The following AKAP13 variants were observed in gnomAD, a reference collection of about 807,000 sequenced individuals.
AKAP13 encodes the protein A-kinase anchor protein 13.
AKAP13 carries 80 observed loss-of-function variants against 264.5 expected under a neutral mutation model. That is an observed-to-expected ratio of 0.30 (90% CI 0.25 to 0.36). The LOEUF (loss-of-function observed/expected upper bound fraction) is 0.36, where lower values mean the gene tolerates loss of function less well. Among genes scored for constraint, AKAP13 ranks in the 10% least tolerant of loss-of-function variants. The pLI is 1.00. For missense variants in AKAP13, 3,712 were observed against 3,435.2 expected, an observed-to-expected ratio of 1.08 and a Z score of -2.01; for synonymous variants, 1,380 against 1,250.2, an observed-to-expected ratio of 1.10 and a Z score of -2.19.
At chr15:85,531,508 A>G (rs1250229199) in intron 3 of AKAP13, among the ~76,000 whole-genome samples, 1 of 152,236 alleles carries the variant, frequency 6.6e-6, no homozygotes, top group East Asian at 1.9e-4. Flanking sequence ...AGAAAAATAG[A>G]CAAATCTTAC....
rs560890549 is a variant in AKAP13 at position 85,613,006 on chromosome 15, T to A, written c.4162-26368T>A. ...AAGAAGTTCTTGTGTCATTGTACTA[T>A]TATGAAGTAGCTTTTGTTTTTGTTT... On this transcript the variant is annotated intron_variant, in intron 8 of 36. Coordinates refer to ENST00000394518, the MANE Select transcript of AKAP13 (RefSeq NM_007200.5). Among the ~76,000 whole-genome samples the A allele has an allele frequency of 3.5e-4, 53 of 152,336 alleles. 1 individual carries two copies. Among genetic ancestry groups the A allele is most frequent in the Non-Finnish European group, 4.7e-4 (32 of 68,034 alleles).
chr15:85,715,865 A>G lies in AKAP13; in HGVS notation c.5677A>G (p.Arg1893Gly), dbSNP rs1196553853. 1 of 1,613,650 alleles carries G rather than the reference A, an allele frequency of 6.2e-7. No individual in the cohort carries two copies. The highest frequency in any genetic ancestry group is 1.1e-5 in the South Asian group (1 of 91,052). The change falls in exon 20 of 37, where the codon AGA becomes GGA. Residue 1893 changes from arginine (R) to glycine (G), a missense_variant. Arg to Gly is a moderately radical substitution (Grantham distance 125). Coordinates refer to ENST00000394518, the MANE Select transcript of AKAP13 (RefSeq NM_007200.5). The part of the protein sequence containing the change: ...ETATTPIFAN[R>G]RSQQSVSLSK... ...CGCTACCACCCCAATATTTGCCAAT[A>G]GACGATCCCAGCAGAGTGTCTCGCT... is the stretch of plus-strand genomic sequence containing the variant.
At chr15:85,671,467 GAGAA>G (rs146666673) in intron 14 of AKAP13, among the ~76,000 whole-genome samples, 7,626 of 145,452 alleles carry the variant, frequency 0.052, 325 homozygotes, top group Admixed American at 0.12. Context: ...AAGAGAGAGA[GAGAA>G]AGACATAATG....
chr15:85,382,783 G>A (rs1424514821), intron 1 of AKAP13, among the ~76,000 whole-genome samples: 4 of 152,152 alleles, frequency 2.6e-5, no homozygotes, highest in African/African-American at 7.2e-5. Flanking sequence ...CTCTTTGCCG[G>A]TAGTCTTAAC....
intron 3 of AKAP13, among the ~76,000 whole-genome samples, chr15:85,533,034 C>T (rs749185838): frequency 3.3e-5 from 5 of 152,178 alleles, no homozygotes; most frequent in Admixed American, 6.5e-5. Context: ...TTGGATTGCT[C>T]ATAGTAGTAA....
At chr15:85,445,265 CA>C (rs1270889149) in intron 1 of AKAP13, among the ~76,000 whole-genome samples, 1 of 152,182 alleles carries the variant, frequency 6.6e-6, no homozygotes, top group East Asian at 1.9e-4. Context: ...AGAAAATGGT[CA>C]GCAACTTGGC....
rs1389336733 is a variant in AKAP13 at position 85,580,054 on chromosome 15, T to G, written c.1986T>G (p.Cys662Trp). 3.1e-6 allele frequency: 5 copies of G among 1,614,126 alleles called. No individual in the cohort carries two copies. The highest frequency in any genetic ancestry group is 1.3e-5 in the African/African-American group (1 of 74,954). Residue 662 changes from cysteine to tryptophan, a missense_variant, in exon 7 of 37, where the codon TGT (cysteine) becomes TGG (tryptophan). Physicochemically the swap from Cys to Trp is radical, Grantham distance 215 (BLOSUM62 -2). Around this residue, in one of 3 missense-constraint regions of AKAP13, gnomAD observed 2,759 missense variants for 2,411.7 expected, o/e 1.14. Transcript: ENST00000394518. ...CTACAACTGGAGACGATAAACTTTG[T>G]GCAGACTCTGCATGTCAACAGAACA... Reference protein sequence around the residue: ...ICSTTGDDKLCADSACQQNTV... With the variant: ...ICSTTGDDKLWADSACQQNTV...
intron 29 of AKAP13, among the ~76,000 whole-genome samples, chr15:85,730,230 G>A (rs1229103095): frequency 6.6e-6 from 1 of 152,206 alleles, no homozygotes; most frequent in Non-Finnish European, 1.5e-5. Flanking sequence ...GAGAGTAGTG[G>A]GCTGAGAAGT....
intron 1 of AKAP13, among the ~76,000 whole-genome samples, chr15:85,394,171 G>C (rs1196107726): frequency 6.6e-6 from 1 of 152,206 alleles, no homozygotes; most frequent in Non-Finnish European, 1.5e-5. Flanking sequence ...TGAAGTGTTA[G>C]GGGGAGAAGG....
rs145978790 is a variant in AKAP13 at position 85,634,573 on chromosome 15, C to G, written c.4162-4801C>G. On this transcript the variant is annotated intron_variant, in intron 8 of 36. Coordinates refer to ENST00000394518, the MANE Select transcript of AKAP13 (RefSeq NM_007200.5). The stretch of plus-strand genomic sequence containing the variant: ...TTTTTGAGAATGTATTTGTTTTCAG[C>G]TTTATTCTGGTATAAATTTCCATAC... 8.7e-4 allele frequency among the ~76,000 whole-genome samples: 132 copies of G among 152,226 alleles called. 2 individuals carry two copies. The South Asian group carries it at 0.013, about 15-fold the overall frequency.
rs1379755874 is a variant in AKAP13 at position 85,468,942 on chromosome 15, T to C, written c.-11-16768T>C. On this transcript the variant is annotated intron_variant, in intron 1 of 36. Transcript: ENST00000394518. The stretch of plus-strand genomic sequence containing the variant: ...ATTTTTTTTTTTTTTTAATCAGACT[T>C]TTGCTCTTGTCACCCAGGCTGGAGT... 2.2e-3 allele frequency among the ~76,000 whole-genome samples: 221 copies of C among 99,374 alleles called. 16 individuals are homozygous for C. Among genetic ancestry groups the C allele is most frequent in the Non-Finnish European group, 3.2e-3 (165 of 51,738 alleles). The allele number at this position is 99,374 out of a possible 152,430, so 65.2% of individuals were successfully genotyped here.
At chr15:85,736,220 CT>C in intron 33 of AKAP13, 86 bp downstream of exon 33, 3 of 1,051,346 alleles carry the variant, frequency 2.9e-6, no homozygotes, top group Non-Finnish European at 4.1e-6. Context: ...TTTTTTTTTT[CT>C]TTTTGCTGTT....
At position 85,743,493 on chromosome 15, in the gene AKAP13, T is replaced by G. The variant is rs1597251932; in HGVS notation, c.8060T>G (p.Val2687Gly). The G allele has an allele frequency of 6.2e-7, 1 of 1,612,886 alleles. No individual in the cohort carries two copies. ...QRQTERDLCQ[V>G]SHPHTKLMRI... is the part of the protein sequence containing the mutation. ...AACCCTTCTCTTGAATATGTACAGG[T>G]TTCCCATCCACATACCAAGCTGATG... The change falls in exon 36 of 37, where the codon GTT becomes GGT. Residue 2687 changes from valine to glycine, a missense_variant and splice_region_variant. This residue lies in a region of AKAP13 where 611 missense variants were observed against 539.3 expected (regional missense o/e 1.13). Coordinates refer to ENST00000394518, the MANE Select transcript of AKAP13 (RefSeq NM_007200.5).
intron 17 of AKAP13, among the ~76,000 whole-genome samples, chr15:85,694,078 A>T (rs1348485002): frequency 6.6e-6 from 1 of 152,244 alleles, no homozygotes; most frequent in African/African-American, 2.4e-5. Context: ...TGTCAGCATC[A>T]AAATTATCCA....
chr15:85,674,436 C>G (rs937007826), intron 14 of AKAP13, among the ~76,000 whole-genome samples: 1 of 152,126 alleles, frequency 6.6e-6, no homozygotes, highest in African/African-American at 2.4e-5. Flanking sequence ...TGCAAATATT[C>G]CAAAATTCAA....
rs766006591 is a variant in AKAP13, at chr15:85,655,447, A to T, written c.4405A>T (p.Thr1469Ser). 53 of 1,614,002 alleles carry T rather than the reference A, an allele frequency of 3.3e-5. 1 individual carries two copies. The South Asian group carries it at 5.7e-4, about 17-fold the overall frequency. The change falls in exon 11 of 37, where the codon ACC (threonine) becomes TCC (serine). Residue 1469 changes from threonine to serine, a missense_variant. Around this residue, in one of 3 missense-constraint regions of AKAP13, gnomAD observed 2,759 missense variants for 2,411.7 expected, o/e 1.14. Coordinates refer to ENST00000394518, the MANE Select transcript of AKAP13 (RefSeq NM_007200.5). ...PEEEHLACDI[T>S]GSSSSTDDTA... is the part of the protein sequence containing the mutation. ...GGAAGAGCATTTGGCCTGTGATATC[A>T]CCGGATCCAGTTCATCCACCGATGA...
At chr15:85,463,043 A>AG (rs2074584662) in intron 1 of AKAP13, among the ~76,000 whole-genome samples, 1 of 149,536 alleles carries the variant, frequency 6.7e-6, no homozygotes, top group Non-Finnish European at 1.5e-5. Context: ...AAAAAAAAAA[A>AG]GAAATAAAAA....
intron 8 of AKAP13, among the ~76,000 whole-genome samples, chr15:85,606,116 T>TTTTTG (rs1397739820): frequency 7.1e-6 from 1 of 141,664 alleles, no homozygotes; most frequent in African/African-American, 2.8e-5. Flanking sequence ...TTTTTTTTTT[T>TTTTTG]GTTGAGATGT....
chr15:85,409,331 C>G (rs774471422), intron 1 of AKAP13, among the ~76,000 whole-genome samples: 1 of 151,582 alleles, frequency 6.6e-6, no homozygotes, highest in Non-Finnish European at 1.5e-5. Flanking sequence ...AGTGCACCAC[C>G]ACACCCAGCT....
Sources: gnomAD v4.1 joint callset for allele counts (sites outside exome capture counted in the v4.1 genomes callset) on GRCh38, gnomAD v4.1.1 for gene constraint, gnomAD v4.1.1 regional missense constraint, MANE v1.5 for transcripts, NCBI Gene and HGNC (gene_info 2026-07-23, HGNC 2026-07-21) for gene names.